NELL1: variants seen among roughly 807,000 people sequenced by gnomAD.
NELL1 encodes protein kinase C-binding protein NELL1.
A neutral mutation model predicts 107.4 loss-of-function variants in NELL1; 76 were observed. The observed-to-expected ratio is 0.71, with a 90% confidence interval of 0.59 to 0.86. The LOEUF is 0.86. NELL1 is among the 40% of genes least tolerant of loss of function. The pLI is 0.00. For missense variants in NELL1, 1,024 were observed against 1,005.5 expected (o/e 1.02, Z -0.25); for synonymous variants, 353 against 341.2 (o/e 1.03, Z -0.38).
At chr11:21,089,477 G>C (rs980535168) in intron 12 of NELL1, among the ~76,000 whole-genome samples, 4 of 152,158 alleles carry the variant, frequency 2.6e-5, no homozygotes, top group Non-Finnish European at 5.9e-5. Flanking sequence ...GCAATGGTGG[G>C]CTATATATAA....
intron 5 of NELL1, among the ~76,000 whole-genome samples, chr11:20,903,020 C>A (rs1339347501): frequency 6.6e-6 from 1 of 151,824 alleles, no homozygotes; most frequent in Non-Finnish European, 1.5e-5. Context: ...GGGTTGTGAA[C>A]CCAGAAGACT....
intron 3 of NELL1, among the ~76,000 whole-genome samples, chr11:20,806,428 T>C (rs763375393): frequency 2.0e-5 from 3 of 152,176 alleles, no homozygotes; most frequent in Non-Finnish European, 4.4e-5. Context: ...CTCCATTGTA[T>C]GTTTGTTTCT....
rs576521919 is a variant in NELL1 at position 20,986,715 on chromosome 11, C to T, written c.1300+26155C>T. 2.6e-5 allele frequency among the ~76,000 whole-genome samples: 4 copies of T among 151,942 alleles called. No individual in the cohort carries two copies. The East Asian group carries it at 7.7e-4, about 29-fold the overall frequency. On this transcript the variant is annotated intron_variant, in intron 12 of 19. Transcript: ENST00000357134. Reference sequence around the variant, plus strand: ...AGAATCACTGTTCTAGACATTTGGGCACCTTTTTTTTTTCTTACCCTTCTT... The same window carrying T: ...AGAATCACTGTTCTAGACATTTGGGTACCTTTTTTTTTTCTTACCCTTCTT...
intron 10 of NELL1, among the ~76,000 whole-genome samples, chr11:20,945,912 G>A (rs1263745318): frequency 6.6e-6 from 1 of 152,304 alleles, no homozygotes; most frequent in South Asian, 2.1e-4. Context: ...TCAGGAGAAA[G>A]TTAAGAGTTA....
chr11:21,484,007 ATATATATATATATAT>A (rs2133904134), intron 15 of NELL1, among the ~76,000 whole-genome samples: 1 of 56,430 alleles, frequency 1.8e-5, no homozygotes, highest in East Asian at 3.4e-4. Flanking sequence ...ATATATATAT[ATATATATATATATAT>A]ATATATATAT....
At chr11:21,000,873 T>G (rs972370714) in intron 12 of NELL1, 4 of 152,182 alleles carry the variant, frequency 2.6e-5, no homozygotes, top group Admixed American at 1.3e-4. Flanking sequence ...GGTGTTATGG[T>G]CGTAGACAGC....
In NELL1 at chr11:20,963,326, C is replaced by T. The variant is rs184690863; in HGVS notation, c.1300+2766C>T. Among the ~76,000 whole-genome samples the T allele has an allele frequency of 3.9e-5, 6 of 152,198 alleles. No individual in the cohort carries two copies. The East Asian group carries it at 1.2e-3, about 29-fold the overall frequency. On this transcript the variant is annotated intron_variant, in intron 12 of 19. Transcript: ENST00000357134. Reference sequence around the variant, plus strand: ...TGTGTTATTTTTCAGACCCAGGTTACACCACTTCTATCCTCACCACACACA... The same window carrying T: ...TGTGTTATTTTTCAGACCCAGGTTATACCACTTCTATCCTCACCACACACA...
At chr11:21,110,535 C>T (rs1294480931) in intron 12 of NELL1, among the ~76,000 whole-genome samples, 1 of 152,112 alleles carries the variant, frequency 6.6e-6, no homozygotes. Flanking sequence ...CTCTCAGCAG[C>T]TTGGTGATGG....
chr11:21,179,718 A>G (rs2133822225), intron 13 of NELL1, among the ~76,000 whole-genome samples: 1 of 151,904 alleles, frequency 6.6e-6, no homozygotes, highest in East Asian at 1.9e-4. Flanking sequence ...ACATAAAGAG[A>G]ATACTCAGTG....
At chr11:21,236,564 T>C (rs1858211757) in intron 14 of NELL1, among the ~76,000 whole-genome samples, 1 of 152,198 alleles carries the variant, frequency 6.6e-6, no homozygotes, top group African/African-American at 2.4e-5. Flanking sequence ...ATTTATTCTA[T>C]TTTATGTTTA....
chr11:21,235,683 C>G (rs1357230201), intron 14 of NELL1, among the ~76,000 whole-genome samples: 1 of 151,996 alleles, frequency 6.6e-6, no homozygotes, highest in Non-Finnish European at 1.5e-5. Flanking sequence ...TTGATGTGAA[C>G]ATGGATGACA....
chr11:21,119,456 TCTAGAG>T (rs1855314352), intron 13 of NELL1, among the ~76,000 whole-genome samples: 1 of 151,942 alleles, frequency 6.6e-6, no homozygotes, highest in Non-Finnish European at 1.5e-5. Context: ...AGAATAATTA[TCTAGAG>T]CTTAAAAGTG....
chr11:20,983,079 C>A (rs902602476), intron 12 of NELL1, among the ~76,000 whole-genome samples: 1 of 152,234 alleles, frequency 6.6e-6, no homozygotes, highest in Non-Finnish European at 1.5e-5. Context: ...TGGTTTGGCT[C>A]CTGTTAAGTT....
At chr11:21,230,603 C>T (rs1358992593) in intron 14 of NELL1, among the ~76,000 whole-genome samples, 2 of 152,114 alleles carry the variant, frequency 1.3e-5, no homozygotes, top group Non-Finnish European at 2.9e-5. Flanking sequence ...AAATAACTTG[C>T]CCAAAGATAC....
intron 14 of NELL1, chr11:21,284,584 A>C: frequency 2.2e-6 from 1 of 448,552 alleles, no homozygotes; most frequent in Non-Finnish European, 4.5e-6. Flanking sequence ...CAGCCCCAAC[A>C]GTTTGATGTC....
intron 2 of NELL1, among the ~76,000 whole-genome samples, chr11:20,737,461 C>T (rs1431640900): frequency 6.6e-6 from 1 of 151,896 alleles, no homozygotes; most frequent in Non-Finnish European, 1.5e-5. Flanking sequence ...CAAAAAAATC[C>T]ATGAATACAT....
intron 15 of NELL1, among the ~76,000 whole-genome samples, chr11:21,458,161 C>T (rs545400638): frequency 6.6e-6 from 1 of 152,168 alleles, no homozygotes; most frequent in Admixed American, 6.5e-5. Context: ...ATATTTTTAG[C>T]CTCCTTGTAA....
At position 21,419,828 on chromosome 11, in the gene NELL1, A is replaced by T. The variant is rs144187776; in HGVS notation, c.1645+48880A>T. Among the ~76,000 whole-genome samples the T allele has an allele frequency of 1.3e-3, 202 of 152,324 alleles. 2 individuals are homozygous for T. The highest frequency in any genetic ancestry group is 4.8e-3 in the African/African-American group (199 of 41,580). On this transcript the variant is annotated intron_variant, in intron 15 of 19. Coordinates refer to ENST00000357134, the MANE Select transcript of NELL1 (RefSeq NM_006157.5). The stretch of plus-strand genomic sequence containing the variant: ...ACGGTTTAGGAGAAATTTGTCTTTC[A>T]TGAAGTACAGATCATATCATGTCTT...
chr11:21,055,346 A>G lies in NELL1; in HGVS notation c.1301-58243A>G, dbSNP rs1470477637. 2.0e-5 allele frequency among the ~76,000 whole-genome samples: 3 copies of G among 151,912 alleles called. No homozygotes were observed. In the East Asian group the frequency reaches 5.8e-4, roughly 29 times the overall value. On this transcript the variant is annotated intron_variant, in intron 12 of 19. Transcript: ENST00000357134. Reference sequence around the variant, plus strand: ...TTATTGATTTTTCTAGGTGTTCCTAATAGTTGTATCAAATTTCAAATATAC... The same window carrying G: ...TTATTGATTTTTCTAGGTGTTCCTAGTAGTTGTATCAAATTTCAAATATAC...
Sources: gnomAD v4.1 joint callset for allele counts (sites outside exome capture counted in the v4.1 genomes callset) on GRCh38, gnomAD v4.1.1 for gene constraint, MANE v1.5 for transcripts, NCBI Gene and HGNC (gene_info 2026-07-23, HGNC 2026-07-21) for gene names.